PI4K2A: variants seen among roughly 807,000 people sequenced by gnomAD.
PI4K2A encodes the protein phosphatidylinositol 4-kinase type 2 alpha.
Under a neutral mutation model 55.0 loss-of-function variants are expected in PI4K2A, and 20 were observed. That is an observed-to-expected ratio of 0.36 (90% CI 0.26 to 0.53). The LOEUF (loss-of-function observed/expected upper bound fraction) is 0.53. PI4K2A is among the 20% of genes least tolerant of loss of function. The pLI is 0.91. For missense variants in PI4K2A, 463 were observed against 637.1 expected, an observed-to-expected ratio of 0.73 and a Z score of 2.94; for synonymous variants, 235 against 258.5, an observed-to-expected ratio of 0.91 and a Z score of 0.87.
intron 1 of PI4K2A, among the ~76,000 whole-genome samples, chr10:97,647,585 A>G (rs1488428407): frequency 6.6e-6 from 1 of 152,328 alleles, no homozygotes; most frequent in East Asian, 1.9e-4. Context: ...ATGCTTGCAC[A>G]TCGTTCTCCA....
At chr10:97,655,970 C>A (rs1232607963) in intron 2 of PI4K2A, among the ~76,000 whole-genome samples, 2 of 152,182 alleles carry the variant, frequency 1.3e-5, no homozygotes, top group Non-Finnish European at 2.9e-5. Flanking sequence ...ATCCGAGGTT[C>A]TTCCATGGTG....
chr10:97,648,092 A>ATTTT (rs11332690), intron 1 of PI4K2A, among the ~76,000 whole-genome samples: 1 of 120,680 alleles, frequency 8.3e-6, no homozygotes, highest in Admixed American at 8.7e-5. Context: ...CACTTAGCTA[A>ATTTT]TTTTTTTTTT....
At chr10:97,648,480 TG>T (rs574843553) in intron 1 of PI4K2A, among the ~76,000 whole-genome samples, 1 of 152,224 alleles carries the variant, frequency 6.6e-6, no homozygotes, top group Non-Finnish European at 1.5e-5. Flanking sequence ...CTGAAAGTGC[TG>T]GGCTTATAGG....
At position 97,640,787 on chromosome 10, in the gene PI4K2A, C is replaced by G. The variant is rs906631494; in HGVS notation, c.45C>G (p.Pro15=). 13 of 1,511,404 alleles carry G rather than the reference C, an allele frequency of 8.6e-6. No homozygotes were observed. In the African/African-American group the frequency reaches 1.3e-4, roughly 15 times the overall value. 93.6% of individuals were successfully genotyped at this position (1,511,404 alleles called of 1,614,324 possible). A position where few individuals can be genotyped will look rare whatever the true frequency, so the allele number is the denominator to read the frequency against. Residue 15 remains proline (P), a synonymous_variant, in exon 1 of 9, where the codon CCC becomes CCG. Transcript: ENST00000370631. ...TAGTGTCCCCCGAGCGGGCCCAACC[C>G]CCGGACTACACCTTCCCGTCGGGCT...
intron 1 of PI4K2A, among the ~76,000 whole-genome samples, chr10:97,645,607 CAAA>C (rs1200079096): frequency 8.1e-5 from 4 of 49,588 alleles, no homozygotes; most frequent in African/African-American, 1.4e-4. Context: ...GACTCTATCT[CAAA>C]AAAAAAAAAA....
At chr10:97,657,044 G>T in intron 4 of PI4K2A, 70 bp downstream of exon 4, 3 of 1,520,742 alleles carry the variant, frequency 2.0e-6, no homozygotes, top group South Asian at 1.1e-5. Context: ...CTGGAGGCTT[G>T]CAGGGCTTGG....
intron 1 of PI4K2A, 97 bp downstream of exon 1, chr10:97,641,274 C>A: frequency 2.3e-6 from 2 of 860,252 alleles, no homozygotes; most frequent in Non-Finnish European, 3.6e-6. Context: ...AAGGGAGAAA[C>A]TTCACAGTAC....
rs757130698 is a variant in PI4K2A, at chr10:97,673,565, CT to C, written c.1279-11del. ...CTGAGGCCTCTCCCTCACCCATCTC[CT>C]TTTTCCCACTGCAGATCTTAAATCT... On this transcript the variant is annotated splice_polypyrimidine_tract_variant and intron_variant, in intron 8 of 8. Coordinates refer to ENST00000370631, the Ensembl canonical transcript of PI4K2A. The C allele has an allele frequency of 7.4e-6, 12 of 1,612,968 alleles. No individual in the cohort carries two copies. The highest frequency in any genetic ancestry group is 1.3e-5 in the African/African-American group (1 of 74,892).
At chr10:97,668,832 T>G (rs1265816473) in intron 8 of PI4K2A, among the ~76,000 whole-genome samples, 1 of 152,156 alleles carries the variant, frequency 6.6e-6, no homozygotes. Flanking sequence ...CTGGGTTTGC[T>G]GAGCCCATTT....
intron 1 of PI4K2A, among the ~76,000 whole-genome samples, chr10:97,648,141 T>C (rs564223007): frequency 6.7e-6 from 1 of 148,988 alleles, no homozygotes; most frequent in African/African-American, 2.5e-5. Context: ...TTGCCCAGGC[T>C]GGAGTGCAAT....
At chr10:97,648,156 T>C (rs2041514511) in intron 1 of PI4K2A, among the ~76,000 whole-genome samples, 1 of 149,752 alleles carries the variant, frequency 6.7e-6, no homozygotes, top group Non-Finnish European at 1.5e-5. Flanking sequence ...TGCAATGGCA[T>C]GATCTCGGCT....
exon 7 of PI4K2A, chr10:97,666,520 G>T (rs772053830): frequency 3.7e-6 from 6 of 1,613,418 alleles, no homozygotes; most frequent in Non-Finnish European, 5.1e-6. Flanking sequence ...CAAAGATATC[G>T]GACCCTAACT....
At chr10:97,652,299 T>C (rs1227292722) in intron 2 of PI4K2A, among the ~76,000 whole-genome samples, 1 of 152,072 alleles carries the variant, frequency 6.6e-6, no homozygotes, top group Non-Finnish European at 1.5e-5. Flanking sequence ...AGTTTTCTTT[T>C]CTTTCTTATT....
intron 4 of PI4K2A, among the ~76,000 whole-genome samples, chr10:97,660,239 G>A (rs913196651): frequency 6.7e-6 from 1 of 149,026 alleles, no homozygotes; most frequent in Admixed American, 6.7e-5. Flanking sequence ...CTGACCTCGT[G>A]ATCTGCCCGC....
At chr10:97,669,980 C>G (rs559059580) in intron 8 of PI4K2A, among the ~76,000 whole-genome samples, 7 of 152,160 alleles carry the variant, frequency 4.6e-5, no homozygotes, top group African/African-American at 1.7e-4. Context: ...AATTGTAGAC[C>G]ACTGCAGCTT....
At chr10:97,660,363 T>C (rs2041576051) in intron 4 of PI4K2A, among the ~76,000 whole-genome samples, 1 of 147,892 alleles carries the variant, frequency 6.8e-6, no homozygotes, top group Non-Finnish European at 1.5e-5. Context: ...TGGCATGATC[T>C]TGGCTCACTG....
chr10:97,652,676 C>T (rs746334901), intron 2 of PI4K2A, among the ~76,000 whole-genome samples: 3 of 152,124 alleles, frequency 2.0e-5, no homozygotes, highest in Non-Finnish European at 2.9e-5. Flanking sequence ...ACTTCCCTTC[C>T]GTTTGAGAGG....
chr10:97,640,885 C>A (rs2041463733), exon 1 of PI4K2A: 2 of 1,296,494 alleles, frequency 1.5e-6, no homozygotes, highest in Admixed American at 4.2e-5. Context: ...GGCCCCTCTC[C>A]GCCGGGCTCG....
At chr10:97,660,252 T>C (rs1299152488) in intron 4 of PI4K2A, among the ~76,000 whole-genome samples, 6 of 149,928 alleles carry the variant, frequency 4.0e-5, no homozygotes, top group East Asian at 2.0e-4. Context: ...CTGCCCGCCT[T>C]GGCCTCCCAA....
Sources: allele counts gnomAD v4.1 joint callset (sites outside exome capture counted in the v4.1 genomes callset), GRCh38; gene constraint gnomAD v4.1.1; transcripts MANE v1.5; gene names NCBI Gene and HGNC (gene_info 2026-07-23, HGNC 2026-07-21).